The following VDAC1 variants were observed in gnomAD, a reference collection of about 807,000 sequenced individuals.
VDAC1 encodes the protein voltage dependent anion channel 1.
VDAC1 carries 10 observed loss-of-function variants against 34.7 expected under a neutral mutation model. That is an observed-to-expected ratio of 0.29 (90% CI 0.18 to 0.49). VDAC1 has a LOEUF of 0.49. Among genes scored for constraint, VDAC1 ranks in the 20% least tolerant of loss-of-function variants. The pLI is 0.99. For missense variants in VDAC1, 230 were observed against 347.9 expected (o/e 0.66, Z 2.69); for synonymous variants, 130 against 136.0 (o/e 0.96, Z 0.30).
chr5:134,058,998 C>A, the VDAC1 span, among the ~76,000 whole-genome samples: 12 of 152,216 alleles, frequency 7.9e-5, no homozygotes, highest in East Asian at 1.9e-3. Context: ...GGCTATGCAC[C>A]CTGCATGCCA....
At chr5:134,055,588 GTTTTTTTTTTTTT>G in the VDAC1 span, among the ~76,000 whole-genome samples, 5 of 59,616 alleles carry the variant, frequency 8.4e-5, no homozygotes, top group South Asian at 2.0e-3. Flanking sequence ...CCCCGCTAAT[GTTTTTTTTTTTTT>G]TTTTTTTTTT....
intron 1 of VDAC1, among the ~76,000 whole-genome samples, chr5:134,003,171 C>T (rs1753626450): frequency 6.6e-6 from 1 of 152,212 alleles, no homozygotes; most frequent in African/African-American, 2.4e-5. Flanking sequence ...TACTGTGTGC[C>T]AGGCAGCACC....
the VDAC1 span, among the ~76,000 whole-genome samples, chr5:134,078,341 C>T: frequency 3.3e-5 from 5 of 152,104 alleles, no homozygotes; most frequent in Non-Finnish European, 7.4e-5. Context: ...GCGAGGGATT[C>T]GGCTGAAAGT....
intron 1 of VDAC1, among the ~76,000 whole-genome samples, chr5:134,001,435 G>A (rs1193458341): frequency 4.6e-5 from 7 of 152,064 alleles, no homozygotes; most frequent in South Asian, 2.1e-4. Context: ...AGACAAACTC[G>A]GCCGGGCTCA....
intron 1 of VDAC1, among the ~76,000 whole-genome samples, chr5:134,000,644 T>A (rs776823427): frequency 6.6e-6 from 1 of 152,186 alleles, no homozygotes; most frequent in Non-Finnish European, 1.5e-5. Flanking sequence ...TTTCTAGGTA[T>A]GTGACTTTGG....
chr5:134,093,766 G>A, the VDAC1 span, among the ~76,000 whole-genome samples: 3 of 152,324 alleles, frequency 2.0e-5, no homozygotes, highest in African/African-American at 7.2e-5. Context: ...CACCCACAGA[G>A]TTCTAGGGGG....
the VDAC1 span, among the ~76,000 whole-genome samples, chr5:134,051,294 T>C: frequency 2.0e-5 from 3 of 152,100 alleles, no homozygotes; most frequent in African/African-American, 7.2e-5. Context: ...GCTCTCAGAG[T>C]CCACAGCAGC....
At chr5:134,041,149 C>T in the VDAC1 span, among the ~76,000 whole-genome samples, 3 of 152,228 alleles carry the variant, frequency 2.0e-5, no homozygotes, top group Non-Finnish European at 4.4e-5. Flanking sequence ...CCAGCTCCTT[C>T]TCTTGATGCT....
chr5:134,020,038 G>T, the VDAC1 span, among the ~76,000 whole-genome samples: 1 of 151,870 alleles, frequency 6.6e-6, no homozygotes, highest in Non-Finnish European at 1.5e-5. Context: ...TTTCATACCT[G>T]CCCCCTGTGA....
chr5:134,001,268 G>A (rs563371914), intron 1 of VDAC1, among the ~76,000 whole-genome samples: 3 of 152,276 alleles, frequency 2.0e-5, no homozygotes, highest in South Asian at 2.1e-4. Flanking sequence ...CTCTGTGCTC[G>A]AGTCTGCTGA....
chr5:134,007,711 C>T (rs192207335), upstream of VDAC1, among the ~76,000 whole-genome samples: 2 of 152,200 alleles, frequency 1.3e-5, no homozygotes, highest in Non-Finnish European at 2.9e-5. Flanking sequence ...TTGGGGAGAC[C>T]TGGGTCTGGC....
chr5:133,985,382 T>C (rs983319765), intron 5 of VDAC1, among the ~76,000 whole-genome samples: 15 of 152,094 alleles, frequency 9.9e-5, no homozygotes, highest in African/African-American at 3.6e-4. Context: ...CCAAAACTGG[T>C]CAGGCGTAGT....
chr5:133,991,270 C>G (rs973374761), intron 3 of VDAC1, 116 bp from the exon 4 acceptor site: 11 of 1,266,246 alleles, frequency 8.7e-6, no homozygotes, highest in African/African-American at 1.5e-5. Flanking sequence ...TGTGGGGGGG[C>G]CAAGGCTAAC....
At chr5:134,055,019 A>G in the VDAC1 span, among the ~76,000 whole-genome samples, 1 of 152,210 alleles carries the variant, frequency 6.6e-6, no homozygotes, top group Admixed American at 6.5e-5. Flanking sequence ...ATCACCAGAC[A>G]TTGATTGAGT....
the VDAC1 span, among the ~76,000 whole-genome samples, chr5:134,029,239 C>T: frequency 3.2e-4 from 48 of 152,212 alleles, no homozygotes; most frequent in Admixed American, 3.1e-3. Flanking sequence ...CCTGACCAAC[C>T]TCTTGATTGC....
chr5:133,988,320 C>G (rs1245005116), intron 5 of VDAC1, among the ~76,000 whole-genome samples: 1 of 151,270 alleles, frequency 6.6e-6, no homozygotes, highest in Non-Finnish European at 1.5e-5. Context: ...GGTGCAGTGG[C>G]TCACGCCTGT....
upstream of VDAC1, among the ~76,000 whole-genome samples, chr5:134,007,044 G>A (rs958971235): frequency 2.6e-5 from 4 of 151,854 alleles, no homozygotes; most frequent in African/African-American, 9.7e-5. Context: ...GGGAGTTCGA[G>A]ACCAGCCTTA....
chr5:134,042,252 G>C, the VDAC1 span, among the ~76,000 whole-genome samples: 85 of 152,216 alleles, frequency 5.6e-4, no homozygotes, highest in African/African-American at 2.0e-3. Flanking sequence ...CTGTGGGCTT[G>C]GGGGGGACCA....
the VDAC1 span, among the ~76,000 whole-genome samples, chr5:134,099,201 T>C: frequency 6.6e-6 from 1 of 152,130 alleles, no homozygotes; most frequent in Admixed American, 6.5e-5. Context: ...AGTAGGGCTT[T>C]GGGTGGACTG....
Sources: gnomAD v4.1 joint callset for allele counts (sites outside exome capture counted in the v4.1 genomes callset) on GRCh38, gnomAD v4.1.1 for gene constraint, MANE v1.5 for transcripts, NCBI Gene and HGNC (gene_info 2026-07-23, HGNC 2026-07-21) for gene names.